Variants in MBLAC2 observed in about 807,000 individuals in gnomAD.
MBLAC2 encodes the protein metallo-beta-lactamase domain containing 2.
A neutral mutation model predicts 23.3 loss-of-function variants in MBLAC2; 24 were observed. The observed-to-expected ratio is 1.03, with a 90% confidence interval of 0.75 to 1.45. The LOEUF is 1.45. Among genes scored for constraint, MBLAC2 ranks in the 40% most tolerant of loss-of-function variants. The pLI, the probability that MBLAC2 is intolerant of heterozygous loss-of-function variation, is 0.00. For synonymous variants in MBLAC2, 162 were observed against 150.9 expected (o/e 1.07, Z -0.54); for missense variants, 358 against 370.0 (o/e 0.97, Z 0.27).
chr5:90,458,983 C>T lies in MBLAC2; in HGVS notation c.*2184G>A, dbSNP rs556672088. On this transcript the variant is annotated 3_prime_UTR_variant, in exon 2 of 2. Transcript: ENST00000316610. ...CACTTTTTATAAATAAATCCTTCAG[C>T]AGGTTTAAATATTTCCTAATAAAAC... is the stretch of plus-strand genomic sequence containing the variant. The T allele has an allele frequency of 2.6e-5, 4 of 152,588 alleles. 1 individual carries two copies. In the South Asian group the frequency reaches 6.2e-4, roughly 24 times the overall value. 9.5% of individuals were successfully genotyped at this position (152,588 alleles called of 1,614,324 possible).
chr5:90,466,483 T>C (rs930963093), intron 1 of MBLAC2, among the ~76,000 whole-genome samples: 1 of 152,108 alleles, frequency 6.6e-6, no homozygotes, highest in African/African-American at 2.4e-5. Context: ...ACAACAATCA[T>C]AAAACACGAG....
At chr5:90,473,645 G>C (rs1750612563) in intron 1 of MBLAC2, 194 bp downstream of exon 1, 2 of 701,576 alleles carry the variant, frequency 2.9e-6, no homozygotes, top group East Asian at 5.4e-5. Flanking sequence ...GCTGGTCTCT[G>C]GCAGGGAAGG....
rs748234458 is a variant in MBLAC2, at chr5:90,474,100, C to A, written c.193G>T (p.Asp65Tyr). Residue 65 changes from aspartate (D) to tyrosine (Y), a missense_variant, in exon 1 of 2, where the codon GAC becomes TAC. Physicochemically the swap from Asp to Tyr is radical, Grantham distance 160. Transcript: ENST00000316610. The part of the protein sequence containing the change: ...EYLYSSGLLQ[D>Y]REAKEDAARR... ...GCCGCGTCCTCTTTGGCCTCTCGGT[C>A]CTGCAAGAGGCCGGAGGAGTACAGG... 1 of 1,576,350 alleles carries A rather than the reference C, an allele frequency of 6.3e-7. No homozygotes were observed. The highest frequency in any genetic ancestry group is 2.3e-5 in the East Asian group (1 of 43,266).
intron 1 of MBLAC2, among the ~76,000 whole-genome samples, chr5:90,470,785 C>A (rs10052555): frequency 0.015 from 2,184 of 148,172 alleles, 55 homozygotes; most frequent in East Asian, 0.055. Context: ...CACACACACA[C>A]GCTTTCTTTC....
At chr5:90,461,631 G>C in intron 1 of MBLAC2, 79 bp from the exon 2 acceptor site, 1 of 1,322,862 alleles carries the variant, frequency 7.6e-7, no homozygotes, top group Non-Finnish European at 1.0e-6. Context: ...AGCATTATAT[G>C]CTTCCAAAGA....
At chr5:90,470,051 T>A (rs965249827) in intron 1 of MBLAC2, among the ~76,000 whole-genome samples, 1 of 152,148 alleles carries the variant, frequency 6.6e-6, no homozygotes. Flanking sequence ...TATTCACTCA[T>A]AAAAAATAAT....
Position 90,474,170 on chromosome 5 carries a change from G to T in MBLAC2, c.123C>A (p.Asp41Glu). 1 of 1,603,198 alleles carries T rather than the reference G, an allele frequency of 6.2e-7. No homozygotes were observed. Among genetic ancestry groups the T allele is most frequent in the Non-Finnish European group, 8.5e-7 (1 of 1,174,768 alleles). ...GCCCCAGGCCTGTATCGATCACCACGTCCTGCTCGGAGCCGCGCACCAGCC... is the reference window on the plus strand; with the variant it reads ...GCCCCAGGCCTGTATCGATCACCACTTCCTGCTCGGAGCCGCGCACCAGCC... Reference protein sequence around the residue: ...NIWLVRGSEQDVVIDTGLGLR... With the variant: ...NIWLVRGSEQEVVIDTGLGLR... The change falls in exon 1 of 2, where the codon GAC becomes GAA. Residue 41 changes from aspartate (D) to glutamate (E), a missense_variant. Physicochemically the swap from Asp to Glu is conservative, Grantham distance 45. Coordinates refer to ENST00000316610, the MANE Select transcript of MBLAC2 (RefSeq NM_203406.2).
chr5:90,474,361 A>C lies in MBLAC2; in HGVS notation c.-69T>G, dbSNP rs1750659105. 9 of 1,414,414 alleles carry C rather than the reference A, an allele frequency of 6.4e-6. 1 individual carries two copies. The East Asian group carries it at 1.9e-4, about 29-fold the overall frequency. 87.6% of individuals were successfully genotyped at this position (1,414,414 alleles called of 1,614,324 possible). ...AGTCTCCCACAGGCTGTCCACACAC[A>C]GGGCACTGCGGCTGTGTGAAGCGGT... is the stretch of plus-strand genomic sequence containing the variant. On this transcript the variant is annotated 5_prime_UTR_variant, in exon 1 of 2. Transcript: ENST00000316610.
At chr5:90,470,074 T>C (rs1327879700) in intron 1 of MBLAC2, among the ~76,000 whole-genome samples, 1 of 152,146 alleles carries the variant, frequency 6.6e-6, no homozygotes, top group Non-Finnish European at 1.5e-5. Context: ...AATCCTGTCA[T>C]TTGCAGCAAC....
intron 1 of MBLAC2, among the ~76,000 whole-genome samples, chr5:90,463,531 A>T (rs1750400019): frequency 6.6e-6 from 1 of 152,266 alleles, no homozygotes; most frequent in South Asian, 2.1e-4. Context: ...GGGAAATATA[A>T]AAATATTTTG....
chr5:90,473,968 C>A lies in MBLAC2; in HGVS notation c.325G>T (p.Ala109Ser). ...AVHHAEAEAL[A>S]RGDNFETVTW... Reference sequence around the variant, plus strand: ...ACGGTCTCAAAGTTGTCCCCGCGAGCCAGCGCCTCGGCCTCGGCGTGGTGC... The same window carrying A: ...ACGGTCTCAAAGTTGTCCCCGCGAGACAGCGCCTCGGCCTCGGCGTGGTGC... Residue 109 changes from alanine (A) to serine (S), a missense_variant, in exon 1 of 2, where the codon GCT (alanine) becomes TCT (serine). Transcript: ENST00000316610. 6.2e-7 allele frequency: 1 copy of A among 1,600,112 alleles called. No homozygotes were observed.
Position 90,474,479 on chromosome 5 carries a change from C to G in MBLAC2, c.-187G>C, listed in dbSNP as rs560585548. 1 of 603,764 alleles carries G rather than the reference C, an allele frequency of 1.7e-6. No individual in the cohort carries two copies. The highest frequency in any genetic ancestry group is 2.8e-5 in the East Asian group (1 of 35,164). 37.4% of individuals were successfully genotyped at this position (603,764 alleles called of 1,614,324 possible). On this transcript the variant is annotated 5_prime_UTR_variant, in exon 1 of 2. Coordinates refer to ENST00000316610, the MANE Select transcript of MBLAC2 (RefSeq NM_203406.2). ...GAGGAAGGACGCAGACCGACGCTGC[C>G]CGTAGCGTGCGCTCCCGCACCCTTC...
chr5:90,464,577 T>C (rs974433175), intron 1 of MBLAC2, among the ~76,000 whole-genome samples: 5 of 152,110 alleles, frequency 3.3e-5, no homozygotes, highest in Admixed American at 3.3e-4. Context: ...AAAGGGAGAC[T>C]CTTTCAAACA....
Position 90,474,749 on chromosome 5 carries a change from G to A in MBLAC2, c.-457C>T. ...CGCGCACTCCCAGCTGGCGCAGAAA[G>A]TGTGGGGCCTCGCGGGTTGTACGGC... is the stretch of plus-strand genomic sequence containing the variant. On this transcript the variant is annotated 5_prime_UTR_variant, in exon 1 of 2. Transcript: ENST00000316610. The A allele has an allele frequency of 5.2e-6, 1 of 191,482 alleles. No individual in the cohort carries two copies. Among genetic ancestry groups the A allele is most frequent in the Non-Finnish European group, 1.1e-5 (1 of 93,862 alleles). The allele number at this position is 191,482 out of a possible 1,614,324, so 11.9% of individuals were successfully genotyped here.
At position 90,461,063 on chromosome 5, in the gene MBLAC2, T is replaced by C. The variant is rs1750358387; in HGVS notation, c.*104A>G. 1.1e-6 allele frequency: 1 copy of C among 887,604 alleles called. No homozygotes were observed. The highest frequency in any genetic ancestry group is 2.8e-5 in the East Asian group (1 of 36,268). The allele number at this position is 887,604 out of a possible 1,614,324, so 55.0% of individuals were successfully genotyped here. A position where few individuals can be genotyped will look rare whatever the true frequency, so the allele number is the denominator to read the frequency against. On this transcript the variant is annotated 3_prime_UTR_variant, in exon 2 of 2. Transcript: ENST00000316610. ...TTCTCAATCTTTCTCTGATATATAA[T>C]AGTGGTATAAAAGCACTTCATGAAA...
chr5:90,470,752 GCGCGCACACACACACACA>G (rs1750531392), intron 1 of MBLAC2, among the ~76,000 whole-genome samples: 1 of 55,280 alleles, frequency 1.8e-5, no homozygotes, highest in Non-Finnish European at 3.5e-5. Flanking sequence ...AAACTAGCGC[GCGCGCACACACACACACA>G]CACACACACA....
In MBLAC2 at chr5:90,473,993, C is replaced by T. The variant is rs1193658624; in HGVS notation, c.300G>A (p.Val100=). 6.3e-7 allele frequency: 1 copy of T among 1,598,484 alleles called. No homozygotes were observed. The highest frequency in any genetic ancestry group is 8.5e-7 in the Non-Finnish European group (1 of 1,173,686). The stretch of plus-strand genomic sequence containing the variant: ...CCAGCGCCTCGGCCTCGGCGTGGTG[C>T]ACTGCCACGCGGTCGAACTGGTAGA... The part of the protein sequence containing the change: ...GGLYQFDRVA[V]HHAEAEALAR... The change falls in exon 1 of 2, where the codon GTG becomes GTA. Residue 100 remains valine (V), a synonymous_variant. Coordinates refer to ENST00000316610, the MANE Select transcript of MBLAC2 (RefSeq NM_203406.2).
In MBLAC2 at chr5:90,459,505, TCTGA is replaced by T. The variant is rs1279330412; in HGVS notation, c.*1658_*1661del. ...ATTCTTGGATTGTTTTGTTTCCAAC[TCTGA>T]CTATCTAACAAGTTCATCCTTCCAA... is the stretch of plus-strand genomic sequence containing the variant. On this transcript the variant is annotated 3_prime_UTR_variant, in exon 2 of 2. Transcript: ENST00000316610. The T allele has an allele frequency of 3.9e-5, 6 of 152,126 alleles. No individual in the cohort carries two copies. The highest frequency in any genetic ancestry group is 7.2e-5 in the African/African-American group (3 of 41,444). 9.4% of individuals were successfully genotyped at this position (152,126 alleles called of 1,614,324 possible).
chr5:90,466,265 A>C (rs897570012), intron 1 of MBLAC2, among the ~76,000 whole-genome samples: 1 of 152,246 alleles, frequency 6.6e-6, no homozygotes, highest in Admixed American at 6.5e-5. Flanking sequence ...ATAAAATGAC[A>C]GTCTTTTTGA....
Sources: gnomAD v4.1 joint callset for allele counts (sites outside exome capture counted in the v4.1 genomes callset) on GRCh38, gnomAD v4.1.1 for gene constraint, MANE v1.5 for transcripts, NCBI Gene and HGNC (gene_info 2026-07-23, HGNC 2026-07-21) for gene names.